The following CLIP2 variants were observed in gnomAD, a reference collection of about 807,000 sequenced individuals.
CLIP2 encodes the protein CAP-Gly domain-containing linker protein 2.
Under a neutral mutation model 111.7 loss-of-function variants are expected in CLIP2, and 41 were observed. The observed-to-expected ratio is 0.37, with a 90% CI of 0.29 to 0.48. The LOEUF (loss-of-function observed/expected upper bound fraction) is 0.48. Ranked by LOEUF, CLIP2 falls within the 20% of genes least tolerant of loss-of-function variation. The pLI is 0.99. For missense variants in CLIP2, 1,160 were observed against 1,422.1 expected (o/e 0.82, Z 2.96); for synonymous variants, 660 against 644.2 (o/e 1.02, Z -0.37).
intron 1 of CLIP2, among the ~76,000 whole-genome samples, chr7:74,306,731 G>T (rs782312130): frequency 6.6e-6 from 1 of 152,188 alleles, no homozygotes; most frequent in Non-Finnish European, 1.5e-5. Context: ...GTGCACCAGG[G>T]CCTCCAGAGA....
At position 74,353,960 on chromosome 7, in the gene CLIP2, G is replaced by A. The variant is rs1790080389; in HGVS notation, c.759G>A (p.Leu253=). 6.2e-7 allele frequency: 1 copy of A among 1,614,138 alleles called. No homozygotes were observed. Among genetic ancestry groups the A allele is most frequent in the Non-Finnish European group, 8.5e-7 (1 of 1,179,988 alleles). Residue 253 remains leucine, a synonymous_variant, in exon 4 of 17, where the codon CTG becomes CTA. Coordinates refer to ENST00000223398, the MANE Select transcript of CLIP2 (RefSeq NM_003388.5). ...FAKGEWCGVE[L]DEPLGKNDGA... is the part of the protein sequence containing the mutation. ...AGGGCGAGTGGTGTGGCGTGGAGCT[G>A]GACGAGCCCCTTGGGAAGAATGATG...
intron 12 of CLIP2, 102 bp downstream of exon 12, chr7:74,386,706 C>A: frequency 1.2e-6 from 1 of 838,006 alleles, no homozygotes; most frequent in Non-Finnish European, 1.8e-6. Context: ...GGCTTAGGGT[C>A]CCCTCCCCGA....
At chr7:74,330,129 A>G (rs1252962599) in intron 2 of CLIP2, among the ~76,000 whole-genome samples, 5 of 148,708 alleles carry the variant, frequency 3.4e-5, no homozygotes, top group African/African-American at 7.5e-5. Context: ...AGATCTCTCT[A>G]TGTTGCCCAG....
At chr7:74,378,303 G>A (rs145174225) in intron 10 of CLIP2, among the ~76,000 whole-genome samples, 40 of 146,076 alleles carry the variant, frequency 2.7e-4, no homozygotes, top group African/African-American at 9.9e-4. Context: ...AATTTTTATA[G>A]TTTTTGTAGA....
At chr7:74,383,782 C>G (rs1022437101) in intron 11 of CLIP2, among the ~76,000 whole-genome samples, 2 of 152,006 alleles carry the variant, frequency 1.3e-5, no homozygotes, top group African/African-American at 4.8e-5. Flanking sequence ...CAAGACCAGC[C>G]TGGACAACAT....
At chr7:74,292,503 C>T (rs1788053703) in intron 1 of CLIP2, among the ~76,000 whole-genome samples, 1 of 152,170 alleles carries the variant, frequency 6.6e-6, no homozygotes, top group Non-Finnish European at 1.5e-5. Flanking sequence ...TCTCCTGCCT[C>T]AGCTTCTCGA....
intron 2 of CLIP2, among the ~76,000 whole-genome samples, chr7:74,318,351 G>T (rs543343948): frequency 6.6e-6 from 1 of 152,030 alleles, no homozygotes; most frequent in African/African-American, 2.4e-5. Context: ...CTACGGGAGG[G>T]TTTAAACCAA....
chr7:74,301,971 C>T lies in CLIP2; in HGVS notation c.-68+12237C>T, dbSNP rs193137680. On this transcript the variant is annotated intron_variant, in intron 1 of 16. Transcript: ENST00000223398. ...CAAGTGATCCACCCGCCTTGACCTC[C>T]CAAAGTGCTGGGATTACAGGCACGA... 9.3e-4 allele frequency among the ~76,000 whole-genome samples: 141 copies of T among 152,148 alleles called. 1 individual carries two copies. Among genetic ancestry groups the T allele is most frequent in the African/African-American group, 3.1e-3 (129 of 41,530 alleles).
At chr7:74,380,549 G>A in intron 10 of CLIP2, 1 of 343,298 alleles carries the variant, frequency 2.9e-6, no homozygotes, top group Non-Finnish European at 5.3e-6. Context: ...ACAAAGGAAG[G>A]GTAGGAGGTA....
At chr7:74,390,871 A>G (rs1223942548) in intron 13 of CLIP2, among the ~76,000 whole-genome samples, 2 of 151,732 alleles carry the variant, frequency 1.3e-5, no homozygotes, top group Non-Finnish European at 2.9e-5. Flanking sequence ...AACATGGCGA[A>G]ACCCTGTCTC....
At chr7:74,386,495 C>T (rs1554314807) in intron 11 of CLIP2, 26 bp from the exon 12 acceptor site, 3 of 1,599,574 alleles carry the variant, frequency 1.9e-6, no homozygotes, top group African/African-American at 1.3e-5. Flanking sequence ...AGCATTGATG[C>T]TTCTCGTCTC....
intron 16 of CLIP2, among the ~76,000 whole-genome samples, chr7:74,402,898 G>A (rs1791660278): frequency 6.6e-6 from 1 of 152,046 alleles, no homozygotes; most frequent in Non-Finnish European, 1.5e-5. Context: ...CGAGACACAT[G>A]GGGTCATCCC....
intron 1 of CLIP2, among the ~76,000 whole-genome samples, chr7:74,295,989 CA>C (rs368834820): frequency 4.0e-3 from 283 of 70,992 alleles, no homozygotes; most frequent in Middle Eastern, 9.8e-3. Context: ...ACCCTGTCTC[CA>C]AAAAAAAAAA....
intron 16 of CLIP2, 50 bp from the exon 17 acceptor site, chr7:74,403,787 C>T (rs368669898): frequency 6.2e-6 from 10 of 1,608,808 alleles, no homozygotes; most frequent in Non-Finnish European, 8.5e-6. Context: ...GCCGCCTGGC[C>T]CTCCAGGCTC....
At chr7:74,316,238 T>TTGTTTC (rs1185165172) in intron 1 of CLIP2, among the ~76,000 whole-genome samples, 1 of 151,856 alleles carries the variant, frequency 6.6e-6, no homozygotes, top group Non-Finnish European at 1.5e-5. Flanking sequence ...CTGCATTTTT[T>TTGTTTC]TGTTTTTGTT....
At chr7:74,365,050 T>TGA (rs1790442317) in intron 8 of CLIP2, among the ~76,000 whole-genome samples, 1 of 110,418 alleles carries the variant, frequency 9.1e-6, no homozygotes, top group Non-Finnish European at 1.9e-5. Flanking sequence ...TGTGTGTGTG[T>TGA]GACTGTCTCA....
chr7:74,335,861 G>A (rs1392596032), intron 2 of CLIP2, among the ~76,000 whole-genome samples: 1 of 150,956 alleles, frequency 6.6e-6, no homozygotes, highest in East Asian at 1.9e-4. Context: ...TCCTGCCTCA[G>A]CCTCCTGAGT....
At chr7:74,381,516 T>C in intron 11 of CLIP2, 1 of 439,112 alleles carries the variant, frequency 2.3e-6, no homozygotes, top group Non-Finnish European at 4.6e-6. Flanking sequence ...GGTCTAAACT[T>C]CAAATGGTTC....
chr7:74,366,680 C>T (rs1360563105), intron 8 of CLIP2, among the ~76,000 whole-genome samples: 2 of 152,110 alleles, frequency 1.3e-5, no homozygotes, highest in Non-Finnish European at 2.9e-5. Context: ...AGTTTGAGAC[C>T]AGCCTGGCCA....
Sources: allele counts gnomAD v4.1 joint callset (sites outside exome capture counted in the v4.1 genomes callset), GRCh38; gene constraint gnomAD v4.1.1; transcripts MANE v1.5; gene names NCBI Gene and HGNC (gene_info 2026-07-23, HGNC 2026-07-21).